The following FSTL4 variants were observed in gnomAD, a reference collection of about 807,000 sequenced individuals.
The protein encoded by FSTL4 is follistatin-related protein 4.
A neutral mutation model predicts 78.2 loss-of-function variants in FSTL4; 28 were observed. That is an observed-to-expected ratio of 0.36 (90% CI 0.27 to 0.49). The LOEUF (loss-of-function observed/expected upper bound fraction) is 0.49. Ranked by LOEUF, FSTL4 falls within the 20% of genes least tolerant of loss-of-function variation. The probability of loss-of-function intolerance (pLI) is 0.98; values close to 1 mark genes in which losing one functional copy is unlikely to be tolerated. For synonymous variants in FSTL4, 422 were observed against 440.5 expected, an observed-to-expected ratio of 0.96 and a Z score of 0.53; for missense variants, 922 against 1,084.9, an observed-to-expected ratio of 0.85 and a Z score of 2.11.
intron 4 of FSTL4, among the ~76,000 whole-genome samples, chr5:133,398,180 A>G (rs1756122851): frequency 6.6e-6 from 1 of 152,140 alleles, no homozygotes; most frequent in South Asian, 2.1e-4. Flanking sequence ...CCTGCCTTCC[A>G]TCCGTCAGGC....
intron 3 of FSTL4, among the ~76,000 whole-genome samples, chr5:133,439,987 A>G (rs571823413): frequency 6.6e-6 from 1 of 152,302 alleles, no homozygotes; most frequent in East Asian, 1.9e-4. Context: ...CTGTAAGCAT[A>G]GAGGATCTGT....
chr5:133,357,293 C>T (rs1278462723), intron 4 of FSTL4, among the ~76,000 whole-genome samples: 1 of 152,188 alleles, frequency 6.6e-6, no homozygotes, highest in African/African-American at 2.4e-5. Flanking sequence ...GGAGAACTCC[C>T]CGTTGGCCTC....
At chr5:133,608,805 A>T (rs1030270796) in intron 1 of FSTL4, among the ~76,000 whole-genome samples, 2 of 152,260 alleles carry the variant, frequency 1.3e-5, no homozygotes, top group African/African-American at 4.8e-5. Flanking sequence ...CTGAAAAAGC[A>T]TGAAATAGGA....
intron 3 of FSTL4, among the ~76,000 whole-genome samples, chr5:133,417,958 TAAAAAAAAAAAAAAAAA>T (rs527415337): frequency 5.9e-5 from 3 of 51,144 alleles, no homozygotes; most frequent in South Asian, 1.1e-3. Flanking sequence ...GACTCCATCT[TAAAAAAAAAAAAAAAAA>T]AAAAAAAAAA....
At chr5:133,415,367 C>G (rs1326440317) in intron 3 of FSTL4, among the ~76,000 whole-genome samples, 1 of 152,194 alleles carries the variant, frequency 6.6e-6, no homozygotes, top group Non-Finnish European at 1.5e-5. Flanking sequence ...AGTACTGGCT[C>G]AGTCTTACTT....
chr5:133,363,169 C>T (rs1051215907), intron 4 of FSTL4, among the ~76,000 whole-genome samples: 1 of 151,882 alleles, frequency 6.6e-6, no homozygotes, highest in African/African-American at 2.4e-5. Context: ...CTGCATACTT[C>T]ACAGAGAAAA....
the FSTL4 span, among the ~76,000 whole-genome samples, chr5:133,636,648 T>C: frequency 6.6e-6 from 1 of 152,136 alleles, no homozygotes; most frequent in African/African-American, 2.4e-5. Flanking sequence ...TGAGTTAATA[T>C]ATGTAAATTA....
the FSTL4 span, among the ~76,000 whole-genome samples, chr5:133,807,861 C>A: frequency 6.6e-6 from 1 of 152,202 alleles, no homozygotes; most frequent in Admixed American, 6.5e-5. Flanking sequence ...TCTCCTCACG[C>A]TTACGATGGT....
chr5:133,272,856 T>C (rs1003129696), intron 6 of FSTL4, among the ~76,000 whole-genome samples: 4 of 152,246 alleles, frequency 2.6e-5, no homozygotes, highest in African/African-American at 7.2e-5. Context: ...AGATGAAAAC[T>C]TGGGCCATCT....
the FSTL4 span, among the ~76,000 whole-genome samples, chr5:133,704,300 A>G: frequency 6.6e-6 from 1 of 152,234 alleles, no homozygotes; most frequent in Non-Finnish European, 1.5e-5. Context: ...AAACAGCTTC[A>G]TGGAATTGAC....
At chr5:133,689,171 C>A in the FSTL4 span, among the ~76,000 whole-genome samples, 2 of 152,174 alleles carry the variant, frequency 1.3e-5, no homozygotes, top group South Asian at 4.1e-4. Flanking sequence ...GGTTGGCCAG[C>A]CAGTTTCTTC....
the FSTL4 span, among the ~76,000 whole-genome samples, chr5:133,827,820 G>C: frequency 6.6e-6 from 1 of 152,000 alleles, no homozygotes; most frequent in Non-Finnish European, 1.5e-5. Flanking sequence ...ACAAAGGACA[G>C]AGCATGAGGC....
the FSTL4 span, among the ~76,000 whole-genome samples, chr5:133,625,316 ATTACT>A: frequency 6.6e-6 from 1 of 151,748 alleles, no homozygotes; most frequent in Non-Finnish European, 1.5e-5. Context: ...GACTATTTAA[ATTACT>A]TTAATATTGG....
chr5:133,447,391 A>C (rs1440904085), intron 3 of FSTL4, among the ~76,000 whole-genome samples: 2 of 152,174 alleles, frequency 1.3e-5, no homozygotes, highest in African/African-American at 4.8e-5. Flanking sequence ...GAAATTTCCA[A>C]ATCCTGTGCT....
In FSTL4 at chr5:133,506,186, G is replaced by A. The variant is rs532810314; in HGVS notation, c.160+61000C>T. ...GACTGTCAATTCATTTGATTGTCCAGGGATTTGTGACATGGCAGAAATATG... is the reference window on the plus strand; with the variant it reads ...GACTGTCAATTCATTTGATTGTCCAAGGATTTGTGACATGGCAGAAATATG... On this transcript the variant is annotated intron_variant, in intron 3 of 15. Transcript: ENST00000265342. Among the ~76,000 whole-genome samples the A allele has an allele frequency of 7.0e-4, 106 of 152,314 alleles. No homozygotes were observed. The South Asian group carries it at 0.021, about 30-fold the overall frequency.
chr5:133,562,536 C>T (rs26365), intron 3 of FSTL4, among the ~76,000 whole-genome samples: 74,355 of 151,942 alleles, frequency 0.49, 18,372 homozygotes, highest in African/African-American at 0.54. Context: ...TGAGTGTGCA[C>T]GTGATGGTCA....
chr5:133,411,857 A>C (rs1756482657), intron 3 of FSTL4, among the ~76,000 whole-genome samples: 1 of 152,230 alleles, frequency 6.6e-6, no homozygotes, highest in Non-Finnish European at 1.5e-5. Context: ...GAGAATTATG[A>C]AACTAGTTGG....
chr5:133,610,553 A>T (rs1378039771), intron 1 of FSTL4, among the ~76,000 whole-genome samples: 1 of 152,216 alleles, frequency 6.6e-6, no homozygotes, highest in Non-Finnish European at 1.5e-5. Flanking sequence ...TGGGAAGCAG[A>T]CACGTGCCCT....
intron 4 of FSTL4, among the ~76,000 whole-genome samples, chr5:133,345,390 A>G (rs563397747): frequency 1.2e-4 from 18 of 152,178 alleles, no homozygotes; most frequent in African/African-American, 4.3e-4. Flanking sequence ...CACTCTGATG[A>G]TAGTTTCTTT....
Sources: allele counts gnomAD v4.1 joint callset (sites outside exome capture counted in the v4.1 genomes callset), GRCh38; gene constraint gnomAD v4.1.1; transcripts MANE v1.5; gene names NCBI Gene and HGNC (gene_info 2026-07-23, HGNC 2026-07-21).